The following ATF7IP variants were observed in gnomAD, a reference collection of about 807,000 sequenced individuals.
ATF7IP encodes activating transcription factor 7 interacting protein.
Under a neutral mutation model 106.4 loss-of-function variants are expected in ATF7IP, and 23 were observed. The ratio of observed to expected loss-of-function variants is 0.22; its 90% CI spans 0.16 to 0.31. The LOEUF (loss-of-function observed/expected upper bound fraction) is 0.31, where lower values mean the gene tolerates loss of function less well. Among genes scored for constraint, ATF7IP ranks in the 10% least tolerant of loss-of-function variants. The pLI is 1.00. For missense variants in ATF7IP, 1,334 were observed against 1,524.3 expected (o/e 0.88, Z 2.08); for synonymous variants, 542 against 539.0 (o/e 1.01, Z -0.08).
At position 14,425,320 on chromosome 12, in the gene ATF7IP, G is replaced by C. The variant is rs200627232; in HGVS notation, c.1405G>C (p.Glu469Gln). The C allele has an allele frequency of 2.5e-6, 4 of 1,608,740 alleles. No individual in the cohort carries two copies. The East Asian group carries it at 8.9e-5, about 36-fold the overall frequency. Residue 469 changes from glutamate (E) to glutamine (Q), a missense_variant, in exon 2 of 15, where the codon GAG becomes CAG. Glu to Gln is a conservative substitution (Grantham distance 29). Transcript: ENST00000261168. ...CGATGAGACAAATCCAGATTTGGAA[G>C]AGAAAATGGAAAGTTCTTTTGGTTC... ...PIDETNPDLEEKMESSFGSPS... is the reference protein window; with the variant it reads ...PIDETNPDLEQKMESSFGSPS...
At chr12:14,472,774 A>C (rs144467318) in intron 10 of ATF7IP, among the ~76,000 whole-genome samples, 30 of 152,238 alleles carry the variant, frequency 2.0e-4, no homozygotes, top group Non-Finnish European at 3.8e-4. Context: ...CCTCTAGTTC[A>C]AATCTCTGTT....
intron 1 of ATF7IP, among the ~76,000 whole-genome samples, chr12:14,416,661 C>T (rs1941220269): frequency 6.6e-6 from 1 of 152,178 alleles, no homozygotes; most frequent in African/African-American, 2.4e-5. Flanking sequence ...GTTTTTCAAA[C>T]AGAGCATCTA....
chr12:14,478,975 T>C (rs1944348653), intron 12 of ATF7IP, among the ~76,000 whole-genome samples: 1 of 152,218 alleles, frequency 6.6e-6, no homozygotes. Flanking sequence ...ATAAAGTGTT[T>C]CTCAAAGTTA....
intron 10 of ATF7IP, among the ~76,000 whole-genome samples, chr12:14,473,639 C>G (rs1366352289): frequency 6.6e-6 from 1 of 151,920 alleles, no homozygotes; most frequent in Non-Finnish European, 1.5e-5. Context: ...TCCTATGATC[C>G]AAGTTGGTAT....
At chr12:14,491,362 C>T (rs1320734377) in intron 13 of ATF7IP, among the ~76,000 whole-genome samples, 1 of 152,190 alleles carries the variant, frequency 6.6e-6, no homozygotes, top group East Asian at 1.9e-4. Context: ...AGTCTTTCAC[C>T]TTAACAGGAA....
chr12:14,471,820 T>C (rs1944055683), intron 10 of ATF7IP, among the ~76,000 whole-genome samples: 1 of 150,832 alleles, frequency 6.6e-6, no homozygotes, highest in Admixed American at 6.6e-5. Flanking sequence ...TTATCAGAAC[T>C]ACAATTCAAG....
intron 1 of ATF7IP, among the ~76,000 whole-genome samples, chr12:14,404,463 A>T (rs975973504): frequency 1.1e-4 from 17 of 152,178 alleles, no homozygotes; most frequent in African/African-American, 4.1e-4. Context: ...TTTTAAGTAC[A>T]CTTTATTAAA....
At chr12:14,450,789 AT>A (rs1162551376) in intron 6 of ATF7IP, among the ~76,000 whole-genome samples, 3 of 151,984 alleles carry the variant, frequency 2.0e-5, no homozygotes, top group Non-Finnish European at 4.4e-5. Context: ...TATTTTTAAA[AT>A]TTATTATTTA....
At chr12:14,383,564 T>C (rs1273823739) in intron 1 of ATF7IP, among the ~76,000 whole-genome samples, 3 of 152,118 alleles carry the variant, frequency 2.0e-5, no homozygotes, top group East Asian at 1.9e-4. Context: ...TTAATTATAA[T>C]TTTTTTTGAG....
rs191695231 is a variant in ATF7IP at position 14,443,846 on chromosome 12, T to C, written c.1930-3142T>C. 3.9e-5 allele frequency among the ~76,000 whole-genome samples: 6 copies of C among 152,290 alleles called. No individual in the cohort carries two copies. In the East Asian group the frequency reaches 1.2e-3, roughly 29 times the overall value. On this transcript the variant is annotated intron_variant, in intron 5 of 14. Transcript: ENST00000261168. ...ACTACCTCATATAAGGACAATATATTCTAATAGTTTTCCTTATATCAACAA... is the reference window on the plus strand; with the variant it reads ...ACTACCTCATATAAGGACAATATATCCTAATAGTTTTCCTTATATCAACAA...
chr12:14,489,614 T>C (rs1291429732), intron 13 of ATF7IP, among the ~76,000 whole-genome samples: 1 of 152,144 alleles, frequency 6.6e-6, no homozygotes, highest in African/African-American at 2.4e-5. Context: ...AGAGCATACA[T>C]GGCCTTCTGG....
intron 1 of ATF7IP, among the ~76,000 whole-genome samples, chr12:14,392,934 G>C (rs191982286): frequency 6.6e-6 from 1 of 152,118 alleles, no homozygotes; most frequent in African/African-American, 2.4e-5. Context: ...CAATAGCATT[G>C]ATCTACAGTG....
chr12:14,453,973 A>C (rs987808044), intron 6 of ATF7IP, among the ~76,000 whole-genome samples: 1 of 152,152 alleles, frequency 6.6e-6, no homozygotes, highest in African/African-American at 2.4e-5. Context: ...GATAATTCAT[A>C]GCTCTCTGTT....
At chr12:14,475,143 GTATCATA>G (rs1944213023) in intron 10 of ATF7IP, among the ~76,000 whole-genome samples, 1 of 152,096 alleles carries the variant, frequency 6.6e-6, no homozygotes, top group African/African-American at 2.4e-5. Context: ...CAATTGCCAT[GTATCATA>G]TATGGTGTTA....
intron 1 of ATF7IP, among the ~76,000 whole-genome samples, chr12:14,392,811 A>G (rs1351594190): frequency 1.3e-5 from 2 of 152,236 alleles, no homozygotes; most frequent in East Asian, 3.8e-4. Context: ...AAATTTTTAC[A>G]TCAATCTGAT....
intron 1 of ATF7IP, among the ~76,000 whole-genome samples, chr12:14,412,651 C>T (rs964167196): frequency 1.7e-4 from 26 of 151,786 alleles, no homozygotes; most frequent in African/African-American, 6.3e-4. Flanking sequence ...TAGTTGATTT[C>T]TTACTATTTT....
In ATF7IP at chr12:14,443,654, A is replaced by G. The variant is rs1225568836; in HGVS notation, c.1930-3334A>G. Among the ~76,000 whole-genome samples the G allele has an allele frequency of 2.6e-5, 4 of 152,362 alleles. No individual in the cohort carries two copies. The East Asian group carries it at 5.8e-4, about 22-fold the overall frequency. ...ATGGATTATTGGAAATATTTCTACC[A>G]AAGTTGAGAATGAGAAAATGCCTAT... On this transcript the variant is annotated intron_variant, in intron 5 of 14. Coordinates refer to ENST00000261168, the MANE Select transcript of ATF7IP (RefSeq NM_018179.5).
chr12:14,461,111 C>T lies in ATF7IP; in HGVS notation c.2775C>T (p.Asn925=). The T allele has an allele frequency of 6.2e-7, 1 of 1,612,544 alleles. No homozygotes were observed. ...GTACTTCGTCTGCTGCAGAACAGAACAGCAATACCACCCCAAGAATTGGTA... is the reference window on the plus strand; with the variant it reads ...GTACTTCGTCTGCTGCAGAACAGAATAGCAATACCACCCCAAGAATTGGTA... ...AFSTSSAAEQ[N]SNTTPRIENQ... Residue 925 remains asparagine, a synonymous_variant, in exon 9 of 15, where the codon AAC becomes AAT. Coordinates refer to ENST00000261168, the MANE Select transcript of ATF7IP (RefSeq NM_018179.5).
intron 1 of ATF7IP, among the ~76,000 whole-genome samples, chr12:14,417,831 TTAAC>T (rs1178156422): frequency 3.3e-5 from 5 of 152,226 alleles, no homozygotes; most frequent in African/African-American, 1.2e-4. Flanking sequence ...CAGTTTTTGT[TTAAC>T]TATGTTTTTC....
Sources: gnomAD v4.1 joint callset for allele counts (sites outside exome capture counted in the v4.1 genomes callset) on GRCh38, gnomAD v4.1.1 for gene constraint, MANE v1.5 for transcripts, NCBI Gene and HGNC (gene_info 2026-07-23, HGNC 2026-07-21) for gene names.